Variants in CDH18 observed in about 807,000 individuals in gnomAD.
CDH18 encodes the protein cadherin-18.
In CDH18, 31 loss-of-function variants were observed where a neutral mutation model predicts 67.9. The observed-to-expected ratio is 0.46, with a 90% CI of 0.34 to 0.62. CDH18 has a LOEUF of 0.62. CDH18 is among the 20% of genes least tolerant of loss of function. CDH18 has a pLI of 0.01. For missense variants in CDH18, 890 were observed against 975.5 expected, an observed-to-expected ratio of 0.91 and a Z score of 1.17; for synonymous variants, 362 against 347.2, an observed-to-expected ratio of 1.04 and a Z score of -0.48.
intron 2 of CDH18, among the ~76,000 whole-genome samples, chr5:20,003,766 C>A (rs112430077): frequency 2.0e-5 from 3 of 151,950 alleles, no homozygotes; most frequent in Non-Finnish European, 4.4e-5. Context: ...GGCGTGGTGG[C>A]GGGCGCCTGT....
chr5:20,240,682 A>G (rs181324688), intron 2 of CDH18, among the ~76,000 whole-genome samples: 1 of 152,328 alleles, frequency 6.6e-6, no homozygotes, highest in East Asian at 1.9e-4. Context: ...ATCTATTTTA[A>G]TATCTGTAAA....
intron 2 of CDH18, among the ~76,000 whole-genome samples, chr5:20,077,827 G>T (rs971982487): frequency 6.6e-6 from 1 of 151,920 alleles, no homozygotes; most frequent in Non-Finnish European, 1.5e-5. Context: ...TCAAATGCTT[G>T]GAAATTTTGT....
intron 1 of CDH18, among the ~76,000 whole-genome samples, chr5:20,435,698 T>C (rs1156908503): frequency 1.3e-5 from 2 of 151,992 alleles, no homozygotes; most frequent in East Asian, 3.9e-4. Flanking sequence ...CCTGCCACCT[T>C]GCTCCCACAT....
intron 1 of CDH18, among the ~76,000 whole-genome samples, chr5:20,314,898 G>A (rs539716600): frequency 6.6e-6 from 1 of 152,108 alleles, no homozygotes; most frequent in South Asian, 2.1e-4. Flanking sequence ...ATTTCACAAT[G>A]TCATTCTTCA....
chr5:20,173,588 C>A (rs954780302), intron 2 of CDH18, among the ~76,000 whole-genome samples: 6 of 151,998 alleles, frequency 3.9e-5, no homozygotes, highest in Admixed American at 3.9e-4. Context: ...GCAGGTGGTT[C>A]GCAGTCAGAT....
chr5:20,533,729 T>C (rs528568800), intron 1 of CDH18, among the ~76,000 whole-genome samples: 205 of 152,242 alleles, frequency 1.3e-3, no homozygotes, highest in Non-Finnish European at 2.5e-3. Flanking sequence ...TTTTACATTG[T>C]AAATATTGAT....
intron 11 of CDH18, among the ~76,000 whole-genome samples, chr5:19,489,256 T>TG (rs200054928): frequency 0.012 from 1,776 of 149,474 alleles, 25 homozygotes; most frequent in Middle Eastern, 0.024. Flanking sequence ...TTTTCTTTTT[T>TG]TTTTTTTTTG....
chr5:20,556,731 C>G (rs569861767), intron 1 of CDH18, among the ~76,000 whole-genome samples: 1 of 152,074 alleles, frequency 6.6e-6, no homozygotes, highest in Non-Finnish European at 1.5e-5. Context: ...ATTTTTTTAG[C>G]TTAAAATTAA....
At chr5:19,897,872 C>A (rs1007685120) in intron 2 of CDH18, among the ~76,000 whole-genome samples, 6 of 151,876 alleles carry the variant, frequency 4.0e-5, no homozygotes, top group African/African-American at 1.5e-4. Context: ...AGTCAGGAAC[C>A]TTGTAGGGGG....
chr5:20,537,350 A>G (rs1756783703), intron 1 of CDH18, among the ~76,000 whole-genome samples: 1 of 152,036 alleles, frequency 6.6e-6, no homozygotes, highest in Non-Finnish European at 1.5e-5. Flanking sequence ...ACATCTTGTA[A>G]ATAATTATTA....
At chr5:20,555,943 T>A (rs892017906) in intron 1 of CDH18, among the ~76,000 whole-genome samples, 3 of 152,276 alleles carry the variant, frequency 2.0e-5, no homozygotes, top group African/African-American at 7.2e-5. Context: ...TTCAAACGGT[T>A]CTTCCCTTCT....
chr5:20,562,651 T>C (rs1180937413), intron 1 of CDH18, among the ~76,000 whole-genome samples: 1 of 151,716 alleles, frequency 6.6e-6, no homozygotes, highest in South Asian at 2.1e-4. Context: ...CTCTTAAAGG[T>C]AGTATTTGAC....
intron 5 of CDH18, among the ~76,000 whole-genome samples, chr5:19,676,826 T>C (rs1413613227): frequency 1.3e-5 from 2 of 152,078 alleles, no homozygotes; most frequent in Non-Finnish European, 2.9e-5. Flanking sequence ...GGCCAGCCTA[T>C]AGAGTCCTAG....
chr5:20,027,759 G>T (rs1009915828), intron 2 of CDH18, among the ~76,000 whole-genome samples: 2 of 152,132 alleles, frequency 1.3e-5, no homozygotes, highest in Non-Finnish European at 2.9e-5. Flanking sequence ...CTTAAATTTT[G>T]CTTCTAATTT....
intron 5 of CDH18, among the ~76,000 whole-genome samples, chr5:19,657,441 G>A (rs1756553565): frequency 6.6e-6 from 1 of 151,952 alleles, no homozygotes; most frequent in South Asian, 2.1e-4. Flanking sequence ...ATATAAAGCA[G>A]TATAAGGAAT....
At position 19,544,005 on chromosome 5, in the gene CDH18, T is replaced by C. The variant is rs765827516; in HGVS notation, c.1254A>G (p.Arg418=). ...QDPDSTNSLV[R]YFINYNVEDD... Reference sequence around the variant, plus strand: ...CTTCAACATTGTAGTTGATGAAGTATCTAGAGAAAAAAAGAGAAGTTTTTA... The same window carrying C: ...CTTCAACATTGTAGTTGATGAAGTACCTAGAGAAAAAAAGAGAAGTTTTTA... Residue 418 remains arginine, a splice_region_variant and synonymous_variant, in exon 9 of 13, where the codon AGA becomes AGG. Coordinates refer to ENST00000382275, the MANE Select transcript of CDH18 (RefSeq NM_004934.5). 3.3e-6 allele frequency: 5 copies of C among 1,530,364 alleles called. No individual in the cohort carries two copies. Among genetic ancestry groups the C allele is most frequent in the South Asian group, 1.3e-5 (1 of 78,790 alleles). The allele number at this position is 1,530,364 out of a possible 1,614,324, so 94.8% of individuals were successfully genotyped here.
At chr5:19,797,587 T>G (rs1776991401) in intron 3 of CDH18, among the ~76,000 whole-genome samples, 1 of 151,978 alleles carries the variant, frequency 6.6e-6, no homozygotes. Context: ...GCATTTACAA[T>G]CACTAAAAGA....
chr5:19,667,213 T>A (rs2150335338), intron 5 of CDH18, among the ~76,000 whole-genome samples: 1 of 151,838 alleles, frequency 6.6e-6, no homozygotes, highest in South Asian at 2.1e-4. Flanking sequence ...TACTATGATG[T>A]ATATCTTTAT....
chr5:20,067,282 A>G (rs1324929076), intron 2 of CDH18, among the ~76,000 whole-genome samples: 1 of 151,442 alleles, frequency 6.6e-6, no homozygotes, highest in East Asian at 1.9e-4. Context: ...TTAGTTCATT[A>G]AAGAAAAAAG....
Sources: allele counts gnomAD v4.1 joint callset (sites outside exome capture counted in the v4.1 genomes callset), GRCh38; gene constraint gnomAD v4.1.1; transcripts MANE v1.5; gene names NCBI Gene and HGNC (gene_info 2026-07-23, HGNC 2026-07-21).